Variants in MPP4 observed in about 807,000 individuals in gnomAD.
The protein encoded by MPP4 is MAGUK p55 subfamily member 4.
In MPP4, 91 loss-of-function variants were observed where a neutral mutation model predicts 98.3. The observed-to-expected ratio is 0.93, with a 90% CI of 0.78 to 1.10. The LOEUF is 1.10. Among genes scored for constraint, MPP4 ranks in the 50% least tolerant of loss-of-function variants. MPP4 has a pLI of 0.00. For missense variants in MPP4, 744 were observed against 792.9 expected (o/e 0.94, Z 0.74); for synonymous variants, 261 against 271.8 (o/e 0.96, Z 0.39).
At chr2:201,655,348 G>T (rs558034803) in intron 17 of MPP4, among the ~76,000 whole-genome samples, 20 of 152,274 alleles carry the variant, frequency 1.3e-4, no homozygotes, top group African/African-American at 4.8e-4. Flanking sequence ...ACAGATGATC[G>T]ATCAGCACCC....
At chr2:201,696,617 CA>C (rs1292004575) in intron 1 of MPP4, among the ~76,000 whole-genome samples, 2 of 152,180 alleles carry the variant, frequency 1.3e-5, no homozygotes, top group Non-Finnish European at 2.9e-5. Context: ...ACCCATTCAG[CA>C]GTTGGGGGCA....
chr2:201,685,958 T>G lies in MPP4; in HGVS notation c.453A>C (p.Ala151=). The change falls in exon 6 of 22, where the codon GCA becomes GCC. Residue 151 remains alanine (A), a synonymous_variant. Transcript: ENST00000409474. ...LPDNIPESEE[A]MRIVCLVKNQ... is the part of the protein sequence containing the mutation. ...TTTTCACTAAACAAACAATCCTCAT[T>G]GCTTCCTCACTCTCAGGGATATTGT... The G allele has an allele frequency of 6.2e-7, 1 of 1,612,718 alleles. No homozygotes were observed.
At chr2:201,678,706 C>A (rs997028376) in intron 10 of MPP4, among the ~76,000 whole-genome samples, 1 of 152,130 alleles carries the variant, frequency 6.6e-6, no homozygotes, top group African/African-American at 2.4e-5. Context: ...GTATAGCTTT[C>A]CTTCCACTGG....
chr2:201,661,591 C>A (rs894633999), intron 14 of MPP4: 1 of 456,138 alleles, frequency 2.2e-6, no homozygotes, highest in African/African-American at 2.0e-5. Context: ...TGGCTGCTGA[C>A]TCCCCCAAGG....
rs1411252253 is a variant in MPP4, at chr2:201,657,600, TGTTTTTTTG to T, written c.1129+868_1129+876del. On this transcript the variant is annotated intron_variant, in intron 16 of 21. Transcript: ENST00000409474. ...AGAACCCTGGCCCTTGTTTTTTTTT[TGTTTTTTTG>T]TTTTTTTTTGCTTATTGTATCAATC... Among the ~76,000 whole-genome samples, 80 of 118,948 alleles carry T rather than the reference TGTTTTTTTG, an allele frequency of 6.7e-4. 20 individuals are homozygous for T. Among genetic ancestry groups the T allele is most frequent in the Middle Eastern group, 8.1e-3 (2 of 248 alleles). The allele number at this position is 118,948 out of a possible 152,430, so 78.0% of individuals were successfully genotyped here. A position where few individuals can be genotyped will look rare whatever the true frequency, so the allele number is the denominator to read the frequency against.
chr2:201,663,387 C>T (rs1342629753), intron 14 of MPP4, among the ~76,000 whole-genome samples: 1 of 152,176 alleles, frequency 6.6e-6, no homozygotes, highest in South Asian at 2.1e-4. Context: ...GAAGTACTGG[C>T]TAAGGTAAAA....
At chr2:201,682,764 T>A in intron 8 of MPP4, 67 bp downstream of exon 8, 1 of 1,414,552 alleles carries the variant, frequency 7.1e-7, no homozygotes, top group Non-Finnish European at 1.0e-6. Flanking sequence ...ACACGTGGGC[T>A]TGATGGTCCC....
intron 11 of MPP4, among the ~76,000 whole-genome samples, chr2:201,671,290 C>T (rs2540429): frequency 0.98 from 148,931 of 152,244 alleles, 72,926 homozygotes; most frequent in East Asian, 1. Context: ...CCCACCCCCA[C>T]GGAGCCTAGC....
intron 14 of MPP4, chr2:201,661,477 G>C (rs1382524139): frequency 2.2e-6 from 1 of 456,590 alleles, no homozygotes; most frequent in Non-Finnish European, 4.4e-6. Context: ...GCTGGGTTCA[G>C]AACGTATCGA....
At chr2:201,681,619 C>T (rs1688668385) in intron 8 of MPP4, 52 bp from the exon 9 acceptor site, 1 of 1,437,084 alleles carries the variant, frequency 7.0e-7, no homozygotes, top group South Asian at 1.2e-5. Context: ...AGCAGGGTTA[C>T]TGGGGCTCGG....
chr2:201,648,265 C>A (rs1687620425), intron 20 of MPP4, among the ~76,000 whole-genome samples: 1 of 152,158 alleles, frequency 6.6e-6, no homozygotes, highest in Non-Finnish European at 1.5e-5. Context: ...TCAAGAAATC[C>A]TCCCATCTCG....
intron 16 of MPP4, among the ~76,000 whole-genome samples, 167 bp downstream of exon 16, chr2:201,658,310 A>G (rs562225801): frequency 6.6e-6 from 1 of 152,366 alleles, no homozygotes; most frequent in South Asian, 2.1e-4. Flanking sequence ...TGAATAATTA[A>G]TGGATCAGAA....
At chr2:201,647,577 G>C in intron 21 of MPP4, 114 bp downstream of exon 21, 1 of 1,143,994 alleles carries the variant, frequency 8.7e-7, no homozygotes, top group Non-Finnish European at 1.2e-6. Context: ...TGGAGAGGGG[G>C]TCAAAAAGGA....
chr2:201,659,286 A>G (rs1412549579), intron 15 of MPP4, among the ~76,000 whole-genome samples: 1 of 152,068 alleles, frequency 6.6e-6, no homozygotes, highest in Non-Finnish European at 1.5e-5. Flanking sequence ...CCCTCTTAAA[A>G]GGGTTCATTC....
At position 201,685,900 on chromosome 2, in the gene MPP4, T is replaced by C. The variant is rs1688815601; in HGVS notation, c.492+19A>G. The C allele has an allele frequency of 6.2e-7, 1 of 1,606,826 alleles. No homozygotes were observed. The highest frequency in any genetic ancestry group is 8.5e-7 in the Non-Finnish European group (1 of 1,174,750). ...CCTAAGCTTACCCTAAATGGAAAGA[T>C]AAAAAATGATTTCCTTACCAGGGGC... On this transcript the variant is annotated intron_variant, in intron 6 of 21. Transcript: ENST00000409474.
At chr2:201,672,499 T>C (rs1012764937) in intron 11 of MPP4, among the ~76,000 whole-genome samples, 2 of 151,836 alleles carry the variant, frequency 1.3e-5, no homozygotes, top group African/African-American at 4.8e-5. Context: ...GATAGACCAC[T>C]AGCCAGATTA....
intron 7 of MPP4, among the ~76,000 whole-genome samples, chr2:201,684,779 T>C (rs966606393): frequency 2.6e-5 from 4 of 151,242 alleles, no homozygotes; most frequent in African/African-American, 9.7e-5. Context: ...TGAAACCCCG[T>C]CTCTACTAAA....
rs578252770 is a variant in MPP4 at position 201,651,490 on chromosome 2, T to G, written c.1382-1325A>C. The G allele has an allele frequency of 7.4e-4, 731 of 985,442 alleles. 5 individuals carry two copies. Among genetic ancestry groups the G allele is most frequent in the Middle Eastern group, 7.3e-3 (14 of 1,912 alleles). The allele number at this position is 985,442 out of a possible 1,614,324, so 61.0% of individuals were successfully genotyped here. On this transcript the variant is annotated intron_variant, in intron 18 of 21. Coordinates refer to ENST00000409474, the MANE Select transcript of MPP4 (RefSeq NM_033066.3). ...CTAATATTTATATGGTAGGTTAAAG[T>G]CTGTGAATTGATGTATAACTCGAGG...
rs570757739 is a variant in MPP4 at position 201,675,278 on chromosome 2, G to A, written c.930-7C>T. The A allele has an allele frequency of 4.4e-6, 7 of 1,605,616 alleles. No individual in the cohort carries two copies. The highest frequency in any genetic ancestry group is 1.7e-5 in the Admixed American group (1 of 58,816). ...CCAGAATTCCCGTTGCTTCCTATGGGGGGGAAAAAACCATGCGACAAAAAA... is the reference window on the plus strand; with the variant it reads ...CCAGAATTCCCGTTGCTTCCTATGGAGGGGAAAAAACCATGCGACAAAAAA... On this transcript the variant is annotated splice_region_variant and splice_polypyrimidine_tract_variant and intron_variant, in intron 10 of 21. Coordinates refer to ENST00000409474, the MANE Select transcript of MPP4 (RefSeq NM_033066.3).
Sources: allele counts gnomAD v4.1 joint callset (sites outside exome capture counted in the v4.1 genomes callset), GRCh38; gene constraint gnomAD v4.1.1; transcripts MANE v1.5; gene names NCBI Gene and HGNC (gene_info 2026-07-23, HGNC 2026-07-21).